The following GALNT13 variants were observed in gnomAD, a reference collection of about 807,000 sequenced individuals.
GALNT13 encodes the protein polypeptide N-acetylgalactosaminyltransferase 13.
Under a neutral mutation model 64.2 loss-of-function variants are expected in GALNT13, and 28 were observed. The observed-to-expected ratio is 0.44, with a 90% CI of 0.32 to 0.60. GALNT13 has a LOEUF of 0.60. Ranked by LOEUF, GALNT13 falls within the 20% of genes least tolerant of loss-of-function variation. The pLI is 0.05. For synonymous variants in GALNT13, 214 were observed against 224.6 expected (o/e 0.95, Z 0.42); for missense variants, 577 against 669.8 (o/e 0.86, Z 1.53).
At chr2:153,806,840 GAACTT>G in the GALNT13 span, among the ~76,000 whole-genome samples, 17 of 152,110 alleles carry the variant, frequency 1.1e-4, no homozygotes, top group African/African-American at 4.1e-4. Context: ...TAGATGAAAG[GAACTT>G]AACAACATGC....
At chr2:153,535,249 G>A in the GALNT13 span, among the ~76,000 whole-genome samples, 1 of 152,068 alleles carries the variant, frequency 6.6e-6, no homozygotes, top group Non-Finnish European at 1.5e-5. Context: ...AATAACAGAA[G>A]GAGAAAAACA....
At chr2:154,104,197 A>C (rs1702490649) in intron 3 of GALNT13, among the ~76,000 whole-genome samples, 1 of 112,102 alleles carries the variant, frequency 8.9e-6, no homozygotes, top group Non-Finnish European at 1.7e-5. Flanking sequence ...ACTGAGTTCC[A>C]TGGGGGTGGG....
At chr2:153,076,667 A>G in the GALNT13 span, among the ~76,000 whole-genome samples, 11 of 122,038 alleles carry the variant, frequency 9.0e-5, no homozygotes, top group Non-Finnish European at 1.7e-4. Flanking sequence ...AATGATCACA[A>G]TGGATTGTAT....
At chr2:154,421,979 G>A (rs1177575915) in intron 11 of GALNT13, among the ~76,000 whole-genome samples, 2 of 152,044 alleles carry the variant, frequency 1.3e-5, no homozygotes, top group African/African-American at 4.8e-5. Flanking sequence ...GGACAGGAAT[G>A]GGTCTAAAAG....
the GALNT13 span, among the ~76,000 whole-genome samples, chr2:153,688,495 A>G: frequency 2.6e-5 from 4 of 152,142 alleles, no homozygotes; most frequent in Admixed American, 6.6e-5. Flanking sequence ...TCATTAGTAT[A>G]TAGTGTATAG....
chr2:153,645,512 A>G, the GALNT13 span, among the ~76,000 whole-genome samples: 268 of 152,236 alleles, frequency 1.8e-3, no homozygotes, highest in African/African-American at 6.2e-3. Flanking sequence ...GGCTTAGAGA[A>G]AAATTAAAAT....
intron 3 of GALNT13, among the ~76,000 whole-genome samples, chr2:153,964,456 A>T (rs891815882): frequency 6.6e-6 from 1 of 152,186 alleles, no homozygotes; most frequent in Non-Finnish European, 1.5e-5. Context: ...CTCAAAGCAA[A>T]AAAAAGAACA....
intron 3 of GALNT13, among the ~76,000 whole-genome samples, chr2:154,052,961 T>A (rs936067275): frequency 3.9e-5 from 6 of 152,102 alleles, no homozygotes; most frequent in East Asian, 1.9e-4. Context: ...ATGGTCTTGA[T>A]CTCCTGACCT....
At chr2:153,670,157 A>G in the GALNT13 span, among the ~76,000 whole-genome samples, 2 of 152,178 alleles carry the variant, frequency 1.3e-5, no homozygotes, top group South Asian at 4.1e-4. Context: ...GCAGACTTGA[A>G]CTTCCCTGCC....
At chr2:153,619,628 C>G in the GALNT13 span, among the ~76,000 whole-genome samples, 2 of 152,060 alleles carry the variant, frequency 1.3e-5, no homozygotes, top group Non-Finnish European at 2.9e-5. Flanking sequence ...AGTATCCCAT[C>G]TGGTATTAAT....
At chr2:153,681,756 C>T in the GALNT13 span, among the ~76,000 whole-genome samples, 141 of 151,838 alleles carry the variant, frequency 9.3e-4, no homozygotes, top group African/African-American at 3.3e-3. Context: ...CCCGCAGTGG[C>T]CATGGGGAAT....
At chr2:153,642,698 A>G in the GALNT13 span, among the ~76,000 whole-genome samples, 1 of 151,932 alleles carries the variant, frequency 6.6e-6, no homozygotes, top group Non-Finnish European at 1.5e-5. Flanking sequence ...GCAAAATTCA[A>G]CAATTATTGA....
chr2:153,552,582 T>C, the GALNT13 span, among the ~76,000 whole-genome samples: 3 of 141,032 alleles, frequency 2.1e-5, no homozygotes, highest in East Asian at 6.0e-4. Flanking sequence ...CTTCTTTTTT[T>C]TTTTTTTTTT....
At chr2:153,835,324 A>T in the GALNT13 span, among the ~76,000 whole-genome samples, 2 of 152,082 alleles carry the variant, frequency 1.3e-5, no homozygotes, top group African/African-American at 2.4e-5. Context: ...AGATAGATAG[A>T]ATTGCAAAAC....
At chr2:154,422,048 A>G (rs1700278513) in intron 11 of GALNT13, among the ~76,000 whole-genome samples, 1 of 152,156 alleles carries the variant, frequency 6.6e-6, no homozygotes, top group Admixed American at 6.6e-5. Flanking sequence ...CAGCAAGGAC[A>G]CTGCCACAAA....
chr2:154,086,970 G>A (rs974840464), intron 3 of GALNT13, among the ~76,000 whole-genome samples: 1 of 151,874 alleles, frequency 6.6e-6, no homozygotes, highest in Non-Finnish European at 1.5e-5. Context: ...TTTATGAGAG[G>A]ATTCAGCTAT....
intron 3 of GALNT13, among the ~76,000 whole-genome samples, chr2:154,119,291 A>C (rs995871296): frequency 6.6e-6 from 1 of 152,152 alleles, no homozygotes; most frequent in Non-Finnish European, 1.5e-5. Flanking sequence ...TCTTCTAAGA[A>C]ATATGTTGAC....
the GALNT13 span, among the ~76,000 whole-genome samples, chr2:153,685,087 T>C: frequency 6.6e-6 from 1 of 151,978 alleles, no homozygotes; most frequent in Non-Finnish European, 1.5e-5. Flanking sequence ...TTCCATGTCT[T>C]CGCTATTGTG....
intron 1 of GALNT13, among the ~76,000 whole-genome samples, chr2:153,872,623 G>T (rs1030285282): frequency 3.1e-5 from 3 of 98,136 alleles, no homozygotes; most frequent in African/African-American, 1.1e-4. Context: ...TGGTGGCGGG[G>T]GGGGGGGGGG....
Sources: gnomAD v4.1 joint callset for allele counts (sites outside exome capture counted in the v4.1 genomes callset) on GRCh38, gnomAD v4.1.1 for gene constraint, MANE v1.5 for transcripts, NCBI Gene and HGNC (gene_info 2026-07-23, HGNC 2026-07-21) for gene names.